RGL1: variants seen among roughly 807,000 people sequenced by gnomAD.
RGL1 encodes the protein ral guanine nucleotide dissociation stimulator like 1, also known as ral guanine nucleotide dissociation stimulator-like 1.
Under a neutral mutation model 95.2 loss-of-function variants are expected in RGL1, and 24 were observed. The ratio of observed to expected loss-of-function variants is 0.25; its 90% confidence interval spans 0.18 to 0.35. The LOEUF (loss-of-function observed/expected upper bound fraction) is 0.35, where lower values mean the gene tolerates loss of function less well. RGL1 is among the 10% of genes least tolerant of loss of function. The pLI is 1.00. For synonymous variants in RGL1, 329 were observed against 344.9 expected (o/e 0.95, Z 0.51); for missense variants, 715 against 936.3 (o/e 0.76, Z 3.08).
intron 2 of RGL1, among the ~76,000 whole-genome samples, chr1:183,760,804 T>C (rs1422606285): frequency 1.3e-5 from 2 of 152,174 alleles, no homozygotes; most frequent in African/African-American, 4.8e-5. Flanking sequence ...GCTGCTACTT[T>C]ATCAACTAAG....
chr1:183,752,942 T>C (rs1163859780), intron 2 of RGL1, among the ~76,000 whole-genome samples: 1 of 152,178 alleles, frequency 6.6e-6, no homozygotes, highest in Non-Finnish European at 1.5e-5. Flanking sequence ...TGTCCTGAAG[T>C]TTCATTCTTC....
chr1:183,647,840 C>T, intron 1 of RGL1: 5 of 1,614,156 alleles, frequency 3.1e-6, no homozygotes, highest in Non-Finnish European at 4.2e-6. Flanking sequence ...TTACGATATT[C>T]CTGGGTTTAT....
chr1:183,791,611 T>C (rs1366562765), intron 2 of RGL1, among the ~76,000 whole-genome samples: 1 of 152,236 alleles, frequency 6.6e-6, no homozygotes, highest in Non-Finnish European at 1.5e-5. Flanking sequence ...AAGAGTGTCA[T>C]AGAACAGAAT....
chr1:183,902,355 C>T (rs1668076184), intron 11 of RGL1, among the ~76,000 whole-genome samples: 1 of 152,122 alleles, frequency 6.6e-6, no homozygotes, highest in Non-Finnish European at 1.5e-5. Flanking sequence ...TCAGACATTT[C>T]AAGAGAAGGC....
At chr1:183,754,122 G>A (rs1658194373) in intron 2 of RGL1, among the ~76,000 whole-genome samples, 2 of 152,070 alleles carry the variant, frequency 1.3e-5, no homozygotes, top group Non-Finnish European at 2.9e-5. Context: ...CGTGCTTGTG[G>A]TAGTAAATTC....
chr1:183,701,418 G>A (rs558957151), intron 1 of RGL1, among the ~76,000 whole-genome samples: 10 of 152,196 alleles, frequency 6.6e-5, no homozygotes, highest in South Asian at 4.1e-4. Flanking sequence ...TCCCTACCCC[G>A]GATTGTATGA....
chr1:183,844,062 G>C (rs1377884412), intron 2 of RGL1, among the ~76,000 whole-genome samples: 1 of 152,124 alleles, frequency 6.6e-6, no homozygotes, highest in Non-Finnish European at 1.5e-5. Context: ...CTGACCTCAG[G>C]TGATCCACCC....
intron 1 of RGL1, among the ~76,000 whole-genome samples, chr1:183,702,699 G>T (rs1026197544): frequency 6.6e-6 from 1 of 152,146 alleles, no homozygotes; most frequent in African/African-American, 2.4e-5. Flanking sequence ...ATACTGATGT[G>T]GGCAGGCATT....
chr1:183,784,291 C>A (rs763773262), intron 2 of RGL1, among the ~76,000 whole-genome samples: 3 of 152,116 alleles, frequency 2.0e-5, no homozygotes, highest in Non-Finnish European at 2.9e-5. Flanking sequence ...GGGAAGGTGC[C>A]TGATACTGGG....
chr1:183,863,266 G>A (rs554398292), intron 3 of RGL1, among the ~76,000 whole-genome samples: 1 of 152,308 alleles, frequency 6.6e-6, no homozygotes, highest in Admixed American at 6.5e-5. Flanking sequence ...CTCAGAGTGA[G>A]ATGGGAGTCA....
intron 3 of RGL1, among the ~76,000 whole-genome samples, chr1:183,865,383 A>G (rs2102591867): frequency 6.6e-6 from 1 of 152,330 alleles, no homozygotes; most frequent in South Asian, 2.1e-4. Context: ...TGGCCTCAGT[A>G]TAGCTACAGC....
chr1:183,653,017 C>T (rs1275177759), intron 1 of RGL1: 1 of 152,264 alleles, frequency 6.6e-6, no homozygotes, highest in African/African-American at 2.4e-5. Context: ...TTGCCCTTCA[C>T]AATCTGTGCA....
At chr1:183,900,892 C>T (rs752358804) in intron 11 of RGL1, among the ~76,000 whole-genome samples, 23 of 151,764 alleles carry the variant, frequency 1.5e-4, no homozygotes, top group Non-Finnish European at 2.5e-4. Flanking sequence ...AGGCCGGGCG[C>T]GATGTCTCAT....
intron 3 of RGL1, among the ~76,000 whole-genome samples, chr1:183,859,780 C>T (rs539289997): frequency 1.3e-5 from 2 of 152,212 alleles, no homozygotes; most frequent in East Asian, 3.9e-4. Flanking sequence ...GAGTTTTTGC[C>T]TTGTTGTTTT....
chr1:183,926,349 C>A lies in RGL1; in HGVS notation c.*57C>A. On this transcript the variant is annotated 3_prime_UTR_variant, in exon 18 of 18. Coordinates refer to ENST00000360851, the MANE Select transcript of RGL1 (RefSeq NM_001297671.3). Reference sequence around the variant, plus strand: ...AGGCAGAGTGGGGCTGAGAAACAGGCTGCGGTGATTGCAATTACCATCCGG... The same window carrying A: ...AGGCAGAGTGGGGCTGAGAAACAGGATGCGGTGATTGCAATTACCATCCGG... The A allele has an allele frequency of 6.8e-7, 1 of 1,460,928 alleles. No individual in the cohort carries two copies. The highest frequency in any genetic ancestry group is 1.3e-5 in the South Asian group (1 of 77,234). The allele number at this position is 1,460,928 out of a possible 1,614,324, so 90.5% of individuals were successfully genotyped here.
chr1:183,832,345 G>A (rs930015423), intron 2 of RGL1, among the ~76,000 whole-genome samples: 6 of 152,216 alleles, frequency 3.9e-5, no homozygotes, highest in Non-Finnish European at 4.4e-5. Context: ...CCTTATGTAT[G>A]TGTTAAATTA....
At position 183,829,774 on chromosome 1, in the gene RGL1, A is replaced by G. The variant is rs560477702; in HGVS notation, c.139-17792A>G. Among the ~76,000 whole-genome samples, 29 of 152,208 alleles carry G rather than the reference A, an allele frequency of 1.9e-4. No individual in the cohort carries two copies. The South Asian group carries it at 5.6e-3, about 29-fold the overall frequency. ...CTTGTATTCCAAGTTACTTCATGGC[A>G]TTTGCACATGCTGTTCCCTCCCCTG... On this transcript the variant is annotated intron_variant, in intron 2 of 17. Transcript: ENST00000360851.
chr1:183,642,627 TG>T (rs1250520045), intron 1 of RGL1, among the ~76,000 whole-genome samples: 1 of 152,252 alleles, frequency 6.6e-6, no homozygotes, highest in Non-Finnish European at 1.5e-5. Context: ...AAAGGATATT[TG>T]TTTTTTAGAT....
intron 16 of RGL1, among the ~76,000 whole-genome samples, chr1:183,920,505 T>G (rs1215632769): frequency 6.6e-6 from 1 of 152,226 alleles, no homozygotes; most frequent in Admixed American, 6.5e-5. Flanking sequence ...TACAAAGTAA[T>G]AAACACGCAA....
Sources: allele counts gnomAD v4.1 joint callset (sites outside exome capture counted in the v4.1 genomes callset), GRCh38; gene constraint gnomAD v4.1.1; transcripts MANE v1.5; gene names NCBI Gene and HGNC (gene_info 2026-07-23, HGNC 2026-07-21).